The following DCLK1 variants were observed in gnomAD, a reference collection of about 807,000 sequenced individuals.
DCLK1 encodes doublecortin like kinase 1.
A neutral mutation model predicts 86.2 loss-of-function variants in DCLK1; 16 were observed. The ratio of observed to expected loss-of-function variants is 0.19; its 90% CI spans 0.13 to 0.28. The LOEUF is 0.28. Among genes scored for constraint, DCLK1 ranks in the 10% least tolerant of loss-of-function variants. The probability of loss-of-function intolerance (pLI) is 1.00; values close to 1 mark genes in which losing one functional copy is unlikely to be tolerated. For synonymous variants in DCLK1, 369 were observed against 370.5 expected (o/e 1.00, Z 0.05); for missense variants, 590 against 940.2 (o/e 0.63, Z 4.87).
chr13:36,120,624 T>C (rs1885952390), intron 2 of DCLK1, among the ~76,000 whole-genome samples: 1 of 151,570 alleles, frequency 6.6e-6, no homozygotes, highest in Non-Finnish European at 1.5e-5. Flanking sequence ...CTCTCAATCA[T>C]TATTACAAAG....
intron 3 of DCLK1, among the ~76,000 whole-genome samples, chr13:36,092,131 A>G (rs73182152): frequency 0.028 from 4,296 of 152,254 alleles, 84 homozygotes; most frequent in Middle Eastern, 0.048. Flanking sequence ...GATACTGTTG[A>G]CCATATACAA....
intron 3 of DCLK1, among the ~76,000 whole-genome samples, chr13:36,045,066 G>A (rs1882828340): frequency 6.6e-6 from 1 of 150,900 alleles, no homozygotes; most frequent in African/African-American, 2.4e-5. Flanking sequence ...TTCTTAATCT[G>A]AGTAGAAGGA....
chr13:36,059,790 A>G (rs1883469665), intron 3 of DCLK1, among the ~76,000 whole-genome samples: 1 of 152,174 alleles, frequency 6.6e-6, no homozygotes, highest in Admixed American at 6.5e-5. Context: ...TCTGATTTTC[A>G]GAATACCCTA....
chr13:35,854,060 C>T lies in DCLK1; in HGVS notation c.1035+439G>A, dbSNP rs567765478. 1.6e-4 allele frequency among the ~76,000 whole-genome samples: 24 copies of T among 152,236 alleles called. No homozygotes were observed. The South Asian group carries it at 4.8e-3, about 30-fold the overall frequency. ...TCCACAAAAGCACGTGTCATAGGTTCCCATCCCCTACCTCATGGACCCTCT... is the reference window on the plus strand; with the variant it reads ...TCCACAAAAGCACGTGTCATAGGTTTCCATCCCCTACCTCATGGACCCTCT... On this transcript the variant is annotated intron_variant, in intron 6 of 16. Coordinates refer to ENST00000360631, the MANE Select transcript of DCLK1 (RefSeq NM_001330071.2).
intron 3 of DCLK1, among the ~76,000 whole-genome samples, chr13:36,107,335 ATT>A (rs10670428): frequency 1.6e-3 from 181 of 110,288 alleles, no homozygotes; most frequent in African/African-American, 6.0e-3. Flanking sequence ...GCAGTGGTAG[ATT>A]TTTTTTTTTT....
In DCLK1 at chr13:36,125,757, C is replaced by T. The variant is rs777889057; in HGVS notation, c.376+5G>A. ...GTCACGTGGGGGTTATCTCACAGCGCTCACCTTCCACCAGTTGGTCCAGGC... is the reference window on the plus strand; with the variant it reads ...GTCACGTGGGGGTTATCTCACAGCGTTCACCTTCCACCAGTTGGTCCAGGC... On this transcript the variant is annotated splice_donor_5th_base_variant and intron_variant, in intron 2 of 16. Coordinates refer to ENST00000360631, the MANE Select transcript of DCLK1 (RefSeq NM_001330071.2). 3 of 1,610,588 alleles carry T rather than the reference C, an allele frequency of 1.9e-6. No individual in the cohort carries two copies. The highest frequency in any genetic ancestry group is 2.5e-6 in the Non-Finnish European group (3 of 1,177,764).
chr13:35,948,382 A>G (rs1223693698), intron 3 of DCLK1, among the ~76,000 whole-genome samples: 1 of 152,190 alleles, frequency 6.6e-6, no homozygotes, highest in Non-Finnish European at 1.5e-5. Context: ...ATGTTGTAAT[A>G]GCATTTTCTC....
At chr13:35,918,867 A>G (rs1193851421) in intron 4 of DCLK1, among the ~76,000 whole-genome samples, 1 of 136,690 alleles carries the variant, frequency 7.3e-6, no homozygotes, top group African/African-American at 2.6e-5. Flanking sequence ...GTTAAAGGCC[A>G]AAAAGAAATC....
rs190916871 is a variant in DCLK1, at chr13:35,936,341, C to T, written c.823+11017G>A. On this transcript the variant is annotated intron_variant, in intron 4 of 16. Transcript: ENST00000360631. The stretch of plus-strand genomic sequence containing the variant: ...TGAAAATGAACATTTCACCCAGACT[C>T]CAAGGAGATGTGTATCAGATACCAA... Among the ~76,000 whole-genome samples, 256 of 152,322 alleles carry T rather than the reference C, an allele frequency of 1.7e-3. 1 individual carries two copies. The highest frequency in any genetic ancestry group is 6.0e-3 in the African/African-American group (249 of 41,560).
chr13:35,906,121 T>C (rs947053216), intron 4 of DCLK1, among the ~76,000 whole-genome samples: 1 of 152,174 alleles, frequency 6.6e-6, no homozygotes, highest in Non-Finnish European at 1.5e-5. Flanking sequence ...GACCACTCTA[T>C]CCTGTTCCAA....
chr13:35,990,596 C>G (rs551744005), intron 3 of DCLK1, among the ~76,000 whole-genome samples: 6 of 152,228 alleles, frequency 3.9e-5, no homozygotes, highest in Admixed American at 3.3e-4. Flanking sequence ...CTGTTCTCCA[C>G]TTGGTTCATA....
chr13:35,917,863 G>A (rs1047302398), intron 4 of DCLK1, among the ~76,000 whole-genome samples: 1 of 152,070 alleles, frequency 6.6e-6, no homozygotes, highest in African/African-American at 2.4e-5. Flanking sequence ...AGCTGGGCTG[G>A]AGACTGCACA....
intron 6 of DCLK1, chr13:35,847,098 T>C: frequency 1.0e-5 from 10 of 979,218 alleles, no homozygotes; most frequent in Non-Finnish European, 1.2e-5. Flanking sequence ...AAAAAAATCA[T>C]AGTATTCGAT....
At chr13:35,922,305 A>T (rs1056110065) in intron 4 of DCLK1, among the ~76,000 whole-genome samples, 1 of 152,212 alleles carries the variant, frequency 6.6e-6, no homozygotes, top group Non-Finnish European at 1.5e-5. Flanking sequence ...TGTTTCAATT[A>T]TCTTCTACCT....
At chr13:36,031,687 C>T (rs909501252) in intron 3 of DCLK1, among the ~76,000 whole-genome samples, 1 of 152,192 alleles carries the variant, frequency 6.6e-6, no homozygotes, top group Admixed American at 6.5e-5. Context: ...TATTTGATGA[C>T]TTCCTGGGAG....
chr13:35,994,328 A>G (rs1338774105), intron 3 of DCLK1, among the ~76,000 whole-genome samples: 1 of 152,208 alleles, frequency 6.6e-6, no homozygotes, highest in Non-Finnish European at 1.5e-5. Context: ...AAAACAGGAA[A>G]GTGGTTCTCC....
chr13:35,815,862 T>C (rs956109621), intron 11 of DCLK1, among the ~76,000 whole-genome samples: 3 of 152,022 alleles, frequency 2.0e-5, no homozygotes, highest in African/African-American at 4.8e-5. Context: ...AATCAAAAAT[T>C]AAATGAAATA....
chr13:35,934,002 G>A (rs575379001), intron 4 of DCLK1, among the ~76,000 whole-genome samples: 46 of 152,186 alleles, frequency 3.0e-4, no homozygotes, highest in South Asian at 1.5e-3. Flanking sequence ...TGAATGCTTT[G>A]ATGCTTAGAA....
At chr13:36,097,998 C>T (rs1191523697) in intron 3 of DCLK1, among the ~76,000 whole-genome samples, 1 of 152,158 alleles carries the variant, frequency 6.6e-6, no homozygotes, top group African/African-American at 2.4e-5. Flanking sequence ...CCTGATTCTG[C>T]ATCTGTGAAA....
Sources: allele counts gnomAD v4.1 joint callset (sites outside exome capture counted in the v4.1 genomes callset), GRCh38; gene constraint gnomAD v4.1.1; transcripts MANE v1.5; gene names NCBI Gene and HGNC (gene_info 2026-07-23, HGNC 2026-07-21).